RANBP2: variants seen among roughly 807,000 people sequenced by gnomAD.
RANBP2 encodes the protein E3 SUMO-protein ligase RanBP2.
In RANBP2, 57 loss-of-function variants were observed where a neutral mutation model predicts 303.6. The observed-to-expected ratio is 0.19, with a 90% CI of 0.15 to 0.23. The LOEUF (loss-of-function observed/expected upper bound fraction) is 0.23. Among genes scored for constraint, RANBP2 ranks in the 10% least tolerant of loss-of-function variants. The pLI is 1.00. For synonymous variants in RANBP2, 1,167 were observed against 1,301.5 expected (o/e 0.90, Z 2.23); for missense variants, 3,138 against 3,780.8 (o/e 0.83, Z 4.46).
At chr2:109,663,400 G>T in the RANBP2 span, among the ~76,000 whole-genome samples, 1 of 152,182 alleles carries the variant, frequency 6.6e-6, no homozygotes, top group Non-Finnish European at 1.5e-5. Flanking sequence ...GCAATCCACT[G>T]TGGAGTACCT....
the RANBP2 span, among the ~76,000 whole-genome samples, chr2:109,383,984 A>C: frequency 6.6e-6 from 1 of 152,208 alleles, no homozygotes; most frequent in African/African-American, 2.4e-5. Flanking sequence ...CAGTTCCTTC[A>C]GGGCTGGCCC....
the RANBP2 span, among the ~76,000 whole-genome samples, chr2:109,157,887 A>G: frequency 1.3e-5 from 2 of 152,094 alleles, no homozygotes; most frequent in Non-Finnish European, 2.9e-5. Context: ...GACCCTCAGG[A>G]TGGCTTTTCT....
At chr2:109,203,114 C>G in the RANBP2 span, among the ~76,000 whole-genome samples, 6 of 152,134 alleles carry the variant, frequency 3.9e-5, no homozygotes, top group Non-Finnish European at 8.8e-5. Flanking sequence ...TGCACGGTGC[C>G]CTGGGCCTGT....
chr2:109,200,811 C>T, the RANBP2 span, among the ~76,000 whole-genome samples: 1 of 152,212 alleles, frequency 6.6e-6, no homozygotes, highest in African/African-American at 2.4e-5. Flanking sequence ...ACACAGGGCC[C>T]TGAGTTCACA....
At chr2:109,657,919 G>A in the RANBP2 span, among the ~76,000 whole-genome samples, 2 of 151,374 alleles carry the variant, frequency 1.3e-5, no homozygotes, top group Admixed American at 1.3e-4. Context: ...GGGGTTTAAC[G>A]CTATTGGCCA....
At chr2:108,922,710 C>T in the RANBP2 span, among the ~76,000 whole-genome samples, 4 of 152,114 alleles carry the variant, frequency 2.6e-5, no homozygotes, top group African/African-American at 9.7e-5. Context: ...CAGCCCGGCA[C>T]CAGACACCCA....
At chr2:109,153,999 T>C in the RANBP2 span, among the ~76,000 whole-genome samples, 1 of 152,216 alleles carries the variant, frequency 6.6e-6, no homozygotes, top group South Asian at 2.1e-4. Context: ...GGCAGCCAAG[T>C]GACCTGGTCA....
Position 108,767,831 on chromosome 2 carries a change from C to T in RANBP2, c.7292C>T (p.Ser2431Leu), listed in dbSNP as rs748998622. The change falls in exon 20 of 29, where the codon TCG becomes TTG. Residue 2431 changes from serine to leucine, a missense_variant. Ser to Leu is a moderately radical substitution (Grantham distance 145). Coordinates refer to ENST00000283195, the MANE Select transcript of RANBP2 (RefSeq NM_006267.5). ...TTTAAACTACAGGATGTTGCAGACT[C>T]GTTTAAGAAAATTTTTGATGAAGCA... ...VRFKLQDVAD[S>L]FKKIFDEAKT... 13 of 1,610,348 alleles carry T rather than the reference C, an allele frequency of 8.1e-6. No individual in the cohort carries two copies. The highest frequency in any genetic ancestry group is 1.0e-5 in the Non-Finnish European group (12 of 1,179,744).
chr2:109,526,817 C>G, the RANBP2 span, among the ~76,000 whole-genome samples: 75 of 152,292 alleles, frequency 4.9e-4, no homozygotes, highest in South Asian at 1.2e-3. Context: ...AATTCCTATT[C>G]AACCCTCTGG....
chr2:108,788,852 G>T (rs760413418), downstream of RANBP2: 9 of 1,613,898 alleles, frequency 5.6e-6, no homozygotes, highest in African/African-American at 1.3e-5. Context: ...TCGTTGACAG[G>T]TGATTTGGAT....
At chr2:109,113,356 TG>T in the RANBP2 span, among the ~76,000 whole-genome samples, 1 of 151,954 alleles carries the variant, frequency 6.6e-6, no homozygotes, top group African/African-American at 2.4e-5. Flanking sequence ...TCACGTCCCT[TG>T]TAAGTTGGAT....
the RANBP2 span, among the ~76,000 whole-genome samples, chr2:109,395,759 T>C: frequency 0.55 from 84,283 of 152,074 alleles, 24,277 homozygotes; most frequent in African/African-American, 0.7. Context: ...GCACTGTGCT[T>C]CTGGCTGCTG....
chr2:109,148,576 C>T, the RANBP2 span, among the ~76,000 whole-genome samples: 1 of 152,060 alleles, frequency 6.6e-6, no homozygotes, highest in Non-Finnish European at 1.5e-5. Context: ...AGTAATAGAC[C>T]CCATTAGATC....
chr2:109,211,035 C>G, the RANBP2 span, among the ~76,000 whole-genome samples: 33 of 152,192 alleles, frequency 2.2e-4, no homozygotes, highest in Non-Finnish European at 3.8e-4. Context: ...GATGACAGCT[C>G]TTCAGTTGAG....
chr2:109,304,002 G>A, the RANBP2 span, among the ~76,000 whole-genome samples: 1 of 152,062 alleles, frequency 6.6e-6, no homozygotes, highest in Admixed American at 6.5e-5. Context: ...TTCAGAGGCT[G>A]AGGCAGGAGA....
the RANBP2 span, among the ~76,000 whole-genome samples, chr2:108,806,686 A>G: frequency 1.3e-5 from 2 of 152,380 alleles, no homozygotes; most frequent in African/African-American, 2.4e-5. Flanking sequence ...CAATGGGCAT[A>G]TTTAGCCAGC....
the RANBP2 span, among the ~76,000 whole-genome samples, chr2:109,087,396 T>C: frequency 2.0e-5 from 3 of 152,142 alleles, no homozygotes; most frequent in Non-Finnish European, 4.4e-5. Flanking sequence ...TTCTCACAGA[T>C]GTAGCAACGG....
chr2:109,656,072 TC>T, the RANBP2 span, among the ~76,000 whole-genome samples: 6 of 151,948 alleles, frequency 3.9e-5, no homozygotes, highest in Admixed American at 3.9e-4. Context: ...CCCAGGGGAG[TC>T]CCCTCTCTTC....
the RANBP2 span, among the ~76,000 whole-genome samples, chr2:109,597,743 A>G: frequency 6.6e-6 from 1 of 152,222 alleles, no homozygotes; most frequent in Non-Finnish European, 1.5e-5. Context: ...AAGTTGTATT[A>G]TCTATGAATC....
Sources: allele counts gnomAD v4.1 joint callset (sites outside exome capture counted in the v4.1 genomes callset), GRCh38; gene constraint gnomAD v4.1.1; transcripts MANE v1.5; gene names NCBI Gene and HGNC (gene_info 2026-07-23, HGNC 2026-07-21).